COL11A2: variants seen among roughly 807,000 people sequenced by gnomAD.
COL11A2 encodes the protein collagen type XI alpha 2 chain, also known as collagen alpha-2(XI) chain.
Under a neutral mutation model 273.4 loss-of-function variants are expected in COL11A2, and 116 were observed. That is an observed-to-expected ratio of 0.42 (90% confidence interval 0.36 to 0.49). The LOEUF is 0.49. Among genes scored for constraint, COL11A2 ranks in the 20% least tolerant of loss-of-function variants. The probability of loss-of-function intolerance (pLI) is 0.00; values close to 1 mark genes in which losing one functional copy is unlikely to be tolerated. For synonymous variants in COL11A2, 782 were observed against 864.2 expected (o/e 0.90, Z 1.67); for missense variants, 1,866 against 2,309.0 (o/e 0.81, Z 3.93).
chr6:33,168,622 G>T, intron 53 of COL11A2, 50 bp from the exon 54 acceptor site: 3 of 1,607,166 alleles, frequency 1.9e-6, no homozygotes, highest in Non-Finnish European at 2.5e-6. Context: ...CCAGCCAAGG[G>T]ACCCCTCAGG....
Position 33,176,402 on chromosome 6 carries a change from C to G in COL11A2, c.2169+31G>C. 2 of 1,610,986 alleles carry G rather than the reference C, an allele frequency of 1.2e-6. No individual in the cohort carries two copies. The highest frequency in any genetic ancestry group is 1.7e-6 in the Non-Finnish European group (2 of 1,178,992). Reference sequence around the variant, plus strand: ...CCCCATATAGCTCCCCTGACCACAGCCCTTTGTCTCCCAGCCTGGTGGTCA... The same window carrying G: ...CCCCATATAGCTCCCCTGACCACAGGCCTTTGTCTCCCAGCCTGGTGGTCA... On this transcript the variant is annotated intron_variant, in intron 27 of 65. Transcript: ENST00000341947. This position sits in a 1 kb window ranked among gnomAD's most constrained non-coding sequence, Gnocchi z 4.9.
In COL11A2 at chr6:33,178,727, G is replaced by A. The variant is rs1771280261; in HGVS notation, c.1671C>T (p.Asp557=). The change falls in exon 18 of 66, where the codon GAC becomes GAT. Residue 557 remains aspartate, a synonymous_variant. Transcript: ENST00000341947. The surrounding 1 kb of genome is among the most constrained non-coding windows in gnomAD (Gnocchi z 4.6). The part of the protein sequence containing the change: ...GMPGDPGVKG[D]RGFDGLPGLP... Reference sequence around the variant, plus strand: ...GCCCTGGGAGTCCATCAAAACCTCGGTCACCCTAGGAGGAGGAAGGATAGC... The same window carrying A: ...GCCCTGGGAGTCCATCAAAACCTCGATCACCCTAGGAGGAGGAAGGATAGC... 2 of 1,612,560 alleles carry A rather than the reference G, an allele frequency of 1.2e-6. No individual in the cohort carries two copies. Among genetic ancestry groups the A allele is most frequent in the Non-Finnish European group, 1.7e-6 (2 of 1,179,824 alleles).
intron 30 of COL11A2, among the ~76,000 whole-genome samples, chr6:33,175,304 C>T (rs904147422): frequency 3.9e-5 from 6 of 152,152 alleles, no homozygotes; most frequent in Non-Finnish European, 4.4e-5. Context: ...GCTTGGAGTC[C>T]GAACGCATGT....
intron 38 of COL11A2, among the ~76,000 whole-genome samples, 174 bp from the exon 39 acceptor site, chr6:33,172,811 T>G (rs1022858853): frequency 6.6e-6 from 1 of 152,128 alleles, no homozygotes; most frequent in Non-Finnish European, 1.5e-5. Flanking sequence ...TCCTGCCCCA[T>G]GTGGAGTAAC....
chr6:33,187,708 C>T (rs911364344), intron 4 of COL11A2, among the ~76,000 whole-genome samples: 3 of 152,070 alleles, frequency 2.0e-5, no homozygotes, highest in South Asian at 4.2e-4. Context: ...GGGTGAATGA[C>T]TGGTCGGATG....
At chr6:33,182,583 T>C (rs1771868139) in intron 8 of COL11A2, among the ~76,000 whole-genome samples, 1 of 151,880 alleles carries the variant, frequency 6.6e-6, no homozygotes, top group Non-Finnish European at 1.5e-5. Flanking sequence ...CAGTGGCACA[T>C]GCCTGTAACC....
In COL11A2 at chr6:33,170,195, A is replaced by G. The variant is rs557966375; in HGVS notation, c.3583-95T>C. The G allele has an allele frequency of 1.3e-6, 2 of 1,574,598 alleles. No individual in the cohort carries two copies. The highest frequency in any genetic ancestry group is 1.7e-5 in the Admixed American group (1 of 59,680). ...TGAGCAGCCCAAGGTTACAGCAGTG[A>G]GGCAGTGGAGGCCTCCCGGGAGTAA... On this transcript the variant is annotated intron_variant, in intron 48 of 65. Coordinates refer to ENST00000341947, the MANE Select transcript of COL11A2 (RefSeq NM_080680.3). The surrounding 1 kb of genome is among the most constrained non-coding windows in gnomAD (Gnocchi z 4.3).
rs930517120 is a variant in COL11A2, at chr6:33,165,489, T to C, written c.4750+60A>G. The C allele has an allele frequency of 2.5e-6, 4 of 1,602,216 alleles. No homozygotes were observed. Among genetic ancestry groups the C allele is most frequent in the Non-Finnish European group, 3.4e-6 (4 of 1,179,290 alleles). On this transcript the variant is annotated intron_variant, in intron 63 of 65. Coordinates refer to ENST00000341947, the MANE Select transcript of COL11A2 (RefSeq NM_080680.3). This position sits in a 1 kb window ranked among gnomAD's most constrained non-coding sequence, Gnocchi z 7.7. ...ACCAAGACTCCCCCAGCATCCATTC[T>C]GCTTGTTCAGTACCCATGCTGTTGG...
rs1057344653 is a variant in COL11A2 at position 33,167,547 on chromosome 6, A to G, written c.4015-14T>C. Reference sequence around the variant, plus strand: ...GCCAGGATCTCCCTGAAACACACACAAGGAATGTGTCCTGAATGGCAGAGG... The same window carrying G: ...GCCAGGATCTCCCTGAAACACACACGAGGAATGTGTCCTGAATGGCAGAGG... On this transcript the variant is annotated splice_polypyrimidine_tract_variant and intron_variant, in intron 55 of 65. Coordinates refer to ENST00000341947, the MANE Select transcript of COL11A2 (RefSeq NM_080680.3). This position sits in a 1 kb window ranked among gnomAD's most constrained non-coding sequence, Gnocchi z 6.1. 1.2e-6 allele frequency: 2 copies of G among 1,609,632 alleles called. No homozygotes were observed. The highest frequency in any genetic ancestry group is 1.3e-5 in the African/African-American group (1 of 74,942).
Position 33,163,778 on chromosome 6 carries a change from A to C in COL11A2, c.5111T>G (p.Val1704Gly), listed in dbSNP as rs765323674. ...GRTVLEVRTP[V>G]LEQLPVLDAS... ...ATCCAGCACTGGCAGCTGCTCCAGC[A>C]CAGGCGTTCGCACCTCCAGCACCGT... is the stretch of plus-strand genomic sequence containing the variant. The change falls in exon 66 of 66, where the codon GTG (valine) becomes GGG (glycine). Residue 1704 changes from valine to glycine, a missense_variant. Coordinates refer to ENST00000341947, the MANE Select transcript of COL11A2 (RefSeq NM_080680.3). This position sits in a 1 kb window ranked among gnomAD's most constrained non-coding sequence, Gnocchi z 4.1. The C allele has an allele frequency of 3.7e-6, 6 of 1,613,072 alleles. No individual in the cohort carries two copies. Among genetic ancestry groups the C allele is most frequent in the Non-Finnish European group, 5.1e-6 (6 of 1,180,024 alleles).
At chr6:33,174,871 C>T (rs541755429) in intron 30 of COL11A2, among the ~76,000 whole-genome samples, 2 of 152,236 alleles carry the variant, frequency 1.3e-5, no homozygotes, top group African/African-American at 4.8e-5. Context: ...ACATGTCAAC[C>T]TCAGCTCCAT....
At chr6:33,168,808 T>C (rs764684383) in intron 52 of COL11A2, 49 bp from the exon 53 acceptor site, 4 of 1,600,306 alleles carry the variant, frequency 2.5e-6, no homozygotes, top group Non-Finnish European at 3.4e-6. Context: ...CTGGCTGGCA[T>C]CACCTCCAAA....
At position 33,176,812 on chromosome 6, in the gene COL11A2, C is replaced by T; in HGVS notation, c.2071-47G>A. 6.3e-7 allele frequency: 1 copy of T among 1,593,868 alleles called. No homozygotes were observed. The highest frequency in any genetic ancestry group is 8.6e-7 in the Non-Finnish European group (1 of 1,167,116). ...TGTGACCAGTGGCCCCTGTCACCCT[C>T]TCTGCACCCCTCCCTACACTTCTTC... On this transcript the variant is annotated intron_variant, in intron 25 of 65. Transcript: ENST00000341947. The surrounding 1 kb of genome is among the most constrained non-coding windows in gnomAD (Gnocchi z 4.9).
At chr6:33,185,844 C>A in intron 5 of COL11A2, 66 bp from the exon 6 acceptor site, 1 of 415,590 alleles carries the variant, frequency 2.4e-6, no homozygotes, top group Non-Finnish European at 4.9e-6. Flanking sequence ...GGGTGAAGGG[C>A]GGGAGAGGGA....
At position 33,165,391 on chromosome 6, in the gene COL11A2, G is replaced by T. The variant is rs547623894; in HGVS notation, c.4750+158C>A. 2.5e-3 allele frequency among the ~76,000 whole-genome samples: 375 copies of T among 152,244 alleles called. 1 individual carries two copies. Among genetic ancestry groups the T allele is most frequent in the Non-Finnish European group, 3.8e-3 (256 of 68,008 alleles). On this transcript the variant is annotated intron_variant, in intron 63 of 65. Coordinates refer to ENST00000341947, the MANE Select transcript of COL11A2 (RefSeq NM_080680.3). The surrounding 1 kb of genome is among the most constrained non-coding windows in gnomAD (Gnocchi z 7.7). ...CCCAGATCAGTTGCTAAAGTATTGG[G>T]ATACTTCTGACCTGGTTAGTAAATA...
At position 33,178,094 on chromosome 6, in the gene COL11A2, G is replaced by A; in HGVS notation, c.1872+38C>T. The A allele has an allele frequency of 6.3e-7, 1 of 1,593,224 alleles. No individual in the cohort carries two copies. The highest frequency in any genetic ancestry group is 8.6e-7 in the Non-Finnish European group (1 of 1,166,404). On this transcript the variant is annotated intron_variant, in intron 21 of 65. Transcript: ENST00000341947. The surrounding 1 kb of genome is among the most constrained non-coding windows in gnomAD (Gnocchi z 4.6). ...AAAGGTGGAGAGTTGGAGAGGTCAA[G>A]GGGTCACCTCAGGGTCAGAAGTCAG...
Position 33,173,939 on chromosome 6 carries a change from G to A in COL11A2, c.2530-13C>T, listed in dbSNP as rs1252722223. ...GACCCCGTGGACCCTACAGAGGGAA[G>A]AGGAGTTGTCAGAGAAACCCAAATG... is the stretch of plus-strand genomic sequence containing the variant. On this transcript the variant is annotated splice_polypyrimidine_tract_variant and intron_variant, in intron 33 of 65. Coordinates refer to ENST00000341947, the MANE Select transcript of COL11A2 (RefSeq NM_080680.3). The surrounding 1 kb of genome is among the most constrained non-coding windows in gnomAD (Gnocchi z 6.3). 1 of 1,613,996 alleles carries A rather than the reference G, an allele frequency of 6.2e-7. No homozygotes were observed. The highest frequency in any genetic ancestry group is 2.2e-5 in the East Asian group (1 of 44,884).
intron 1 of COL11A2, among the ~76,000 whole-genome samples, chr6:33,191,958 C>T (rs1773163979): frequency 6.6e-6 from 1 of 152,216 alleles, no homozygotes; most frequent in African/African-American, 2.4e-5. Context: ...TCTGCCCTCC[C>T]CCAGTCACTT....
chr6:33,184,079 A>G (rs900637418), intron 8 of COL11A2, 66 bp downstream of exon 8: 6 of 1,322,788 alleles, frequency 4.5e-6, no homozygotes, highest in Non-Finnish European at 5.1e-6. Context: ...GATCGAAACC[A>G]ACAAGAAGCA....
Sources: gnomAD v4.1 joint callset for allele counts (sites outside exome capture counted in the v4.1 genomes callset) on GRCh38, gnomAD v4.1.1 for gene constraint, Gnocchi (gnomAD v3.1) non-coding constraint, MANE v1.5 for transcripts, NCBI Gene and HGNC (gene_info 2026-07-23, HGNC 2026-07-21) for gene names.